The following PRELID2 variants were observed in gnomAD, a reference collection of about 807,000 sequenced individuals.
PRELID2 encodes PRELI domain containing 2.
Under a neutral mutation model 28.4 loss-of-function variants are expected in PRELID2, and 25 were observed. That is an observed-to-expected ratio of 0.88 (90% CI 0.64 to 1.23). PRELID2 has a LOEUF of 1.23. Among genes scored for constraint, PRELID2 ranks in the 50% most tolerant of loss-of-function variants. The pLI, the probability that PRELID2 is intolerant of heterozygous loss-of-function variation, is 0.00. For missense variants in PRELID2, 201 were observed against 214.4 expected (o/e 0.94, Z 0.39); for synonymous variants, 76 against 71.6 (o/e 1.06, Z -0.31).
intron 1 of PRELID2, among the ~76,000 whole-genome samples, chr5:145,719,974 A>C (rs528312253): frequency 2.0e-5 from 3 of 152,068 alleles, no homozygotes; most frequent in East Asian, 3.9e-4. Flanking sequence ...AAAAATGAAA[A>C]ATTAAATTAC....
Position 145,759,218 on chromosome 5 carries a change from G to C in PRELID2, c.*1318C>G, listed in dbSNP as rs982711547. 3 of 151,948 alleles carry C rather than the reference G, an allele frequency of 2.0e-5. No homozygotes were observed. Among genetic ancestry groups the C allele is most frequent in the Non-Finnish European group, 2.9e-5 (2 of 68,006 alleles). 9.4% of individuals were successfully genotyped at this position (151,948 alleles called of 1,614,324 possible). On this transcript the variant is annotated 3_prime_UTR_variant, in exon 7 of 7. Transcript: ENST00000683046. Reference sequence around the variant, plus strand: ...GGGTTTCACCATATTGGCCAGGCTGGTCTCGAACTCCTGACCTTGTGATCC... The same window carrying C: ...GGGTTTCACCATATTGGCCAGGCTGCTCTCGAACTCCTGACCTTGTGATCC...
At chr5:145,542,831 T>G (rs2126673410) in intron 1 of PRELID2, among the ~76,000 whole-genome samples, 1 of 151,980 alleles carries the variant, frequency 6.6e-6, no homozygotes, top group Non-Finnish European at 1.5e-5. Flanking sequence ...TCTTTCTTTC[T>G]ATTATACATG....
At chr5:145,419,809 C>T in the PRELID2 span, among the ~76,000 whole-genome samples, 4 of 151,856 alleles carry the variant, frequency 2.6e-5, no homozygotes, top group Non-Finnish European at 5.9e-5. Context: ...CTTGCCCATG[C>T]CTATGTCCTG....
At chr5:145,430,163 G>A in the PRELID2 span, among the ~76,000 whole-genome samples, 1 of 152,132 alleles carries the variant, frequency 6.6e-6, no homozygotes, top group South Asian at 2.1e-4. Flanking sequence ...AACTCTACAT[G>A]TGCAAATTCT....
At chr5:145,318,525 G>A in the PRELID2 span, among the ~76,000 whole-genome samples, 75 of 152,292 alleles carry the variant, frequency 4.9e-4, no homozygotes, top group African/African-American at 1.7e-3. Context: ...AGATTCTTTG[G>A]TATTGTATTA....
chr5:145,606,499 A>G (rs1753506473), intron 1 of PRELID2, among the ~76,000 whole-genome samples: 1 of 152,122 alleles, frequency 6.6e-6, no homozygotes, highest in East Asian at 1.9e-4. Context: ...TTTTAAACAA[A>G]GGCTTTTCTG....
At chr5:145,626,259 G>A (rs1034402494) in intron 1 of PRELID2, among the ~76,000 whole-genome samples, 2 of 152,126 alleles carry the variant, frequency 1.3e-5, no homozygotes, top group African/African-American at 2.4e-5. Flanking sequence ...CAGAATTGGA[G>A]AAAATATTTG....
intron 1 of PRELID2, among the ~76,000 whole-genome samples, chr5:145,551,227 C>A (rs1040263035): frequency 2.6e-5 from 4 of 151,884 alleles, no homozygotes; most frequent in Non-Finnish European, 5.9e-5. Flanking sequence ...ATGGTGAAAC[C>A]TTGTCTCTAC....
At chr5:145,493,075 C>T (rs1478989471) in intron 1 of PRELID2, among the ~76,000 whole-genome samples, 4 of 140,312 alleles carry the variant, frequency 2.9e-5, no homozygotes, top group East Asian at 2.0e-4. Context: ...AATTGTTCTT[C>T]GGACCCTCTT....
At chr5:145,385,612 G>A in the PRELID2 span, among the ~76,000 whole-genome samples, 12 of 152,258 alleles carry the variant, frequency 7.9e-5, no homozygotes, top group Non-Finnish European at 1.2e-4. Flanking sequence ...TGTAACACAT[G>A]GTAGTAAATA....
At chr5:145,748,860 A>G (rs867009358) in intron 1 of PRELID2, among the ~76,000 whole-genome samples, 1 of 152,218 alleles carries the variant, frequency 6.6e-6, no homozygotes, top group Non-Finnish European at 1.5e-5. Context: ...ACCTGACAAA[A>G]ACAAGCAATG....
intron 4 of PRELID2, among the ~76,000 whole-genome samples, chr5:145,796,964 A>G (rs1752798039): frequency 6.6e-6 from 1 of 152,104 alleles, no homozygotes; most frequent in African/African-American, 2.4e-5. Flanking sequence ...ACACATAAGC[A>G]TTTACTAAAT....
chr5:145,700,213 G>A (rs62392313), intron 1 of PRELID2, among the ~76,000 whole-genome samples: 38 of 150,628 alleles, frequency 2.5e-4, no homozygotes, highest in Middle Eastern at 3.4e-3. Flanking sequence ...ACTTTCCATC[G>A]CCCCTAGACA....
chr5:145,313,056 A>T, the PRELID2 span, among the ~76,000 whole-genome samples: 4 of 152,154 alleles, frequency 2.6e-5, no homozygotes, highest in Non-Finnish European at 5.9e-5. Flanking sequence ...CCCCCAAAAA[A>T]CCAAATAGCC....
At chr5:145,770,788 G>C (rs1033886181) in intron 5 of PRELID2, among the ~76,000 whole-genome samples, 1 of 152,162 alleles carries the variant, frequency 6.6e-6, no homozygotes, top group East Asian at 1.9e-4. Flanking sequence ...TCTAGAATAA[G>C]GATATAAAGC....
intron 1 of PRELID2, among the ~76,000 whole-genome samples, chr5:145,681,105 A>G (rs1051320765): frequency 6.6e-6 from 1 of 152,156 alleles, no homozygotes; most frequent in African/African-American, 2.4e-5. Context: ...AAAAGTACTC[A>G]GGGGGAAGCT....
chr5:145,570,352 C>A (rs977499901), intron 1 of PRELID2, among the ~76,000 whole-genome samples: 6 of 152,118 alleles, frequency 3.9e-5, no homozygotes, highest in Admixed American at 6.6e-5. Context: ...CATGAACATA[C>A]TCCTATGGGA....
the PRELID2 span, among the ~76,000 whole-genome samples, chr5:145,302,337 C>T: frequency 3.3e-5 from 5 of 151,724 alleles, no homozygotes; most frequent in Admixed American, 3.3e-4. Flanking sequence ...GGGGTTTCTC[C>T]GTGTTGCCCA....
intron 1 of PRELID2, among the ~76,000 whole-genome samples, chr5:145,649,875 T>C (rs908469135): frequency 6.6e-6 from 1 of 152,224 alleles, no homozygotes; most frequent in Non-Finnish European, 1.5e-5. Flanking sequence ...TGTCTGTTTT[T>C]ATCTCTTGCT....
Sources: allele counts gnomAD v4.1 joint callset (sites outside exome capture counted in the v4.1 genomes callset), GRCh38; gene constraint gnomAD v4.1.1; transcripts MANE v1.5; gene names NCBI Gene and HGNC (gene_info 2026-07-23, HGNC 2026-07-21).